The following ADAMTS4 variants were observed in gnomAD, a reference collection of about 807,000 sequenced individuals.
ADAMTS4 encodes the protein A disintegrin and metalloproteinase with thrombospondin motifs 4.
ADAMTS4 carries 38 observed loss-of-function variants against 66.7 expected under a neutral mutation model. The observed-to-expected ratio is 0.57, with a 90% confidence interval of 0.44 to 0.75. The LOEUF (loss-of-function observed/expected upper bound fraction) is 0.75. Ranked by LOEUF, ADAMTS4 falls within the 30% of genes least tolerant of loss-of-function variation. The pLI, the probability that ADAMTS4 is intolerant of heterozygous loss-of-function variation, is 0.00. For synonymous variants in ADAMTS4, 418 were observed against 461.5 expected (o/e 0.91, Z 1.21); for missense variants, 1,014 against 1,116.7 (o/e 0.91, Z 1.31).
chr1:161,192,083 C>G lies in ADAMTS4; in HGVS notation c.2069G>C (p.Gly690Ala), dbSNP rs1248691991. 6.2e-7 allele frequency: 1 copy of G among 1,613,970 alleles called. No individual in the cohort carries two copies. Among genetic ancestry groups the G allele is most frequent in the Non-Finnish European group, 8.5e-7 (1 of 1,179,982 alleles). The change falls in exon 8 of 9, where the codon GGC becomes GCC. Residue 690 changes from glycine to alanine, a missense_variant. By Grantham distance (60) the Gly-to-Ala change is moderately conservative. Coordinates refer to ENST00000367996, the MANE Select transcript of ADAMTS4 (RefSeq NM_005099.6). ...AAAGAACCTGAATTTCCTGAAGGAGCCTGACTGCTTGCTGCAACCAGAACC... is the reference window on the plus strand; with the variant it reads ...AAAGAACCTGAATTTCCTGAAGGAGGCTGACTGCTTGCTGCAACCAGAACC... ...GDGSGCSKQS[G>A]SFRKFRYGYN...
In ADAMTS4 at chr1:161,194,633, C is replaced by G. The variant is rs553680479; in HGVS notation, c.1262-412G>C. On this transcript the variant is annotated intron_variant, in intron 4 of 8. Transcript: ENST00000367996. This position sits in a 1 kb window ranked among gnomAD's most constrained non-coding sequence, Gnocchi z 4.1. ...CAAACTCCTGGTCTCAAGCAATCCT[C>G]CCACCTTAGCCTCCCAAAGCATTGG... is the stretch of plus-strand genomic sequence containing the variant. Among the ~76,000 whole-genome samples the G allele has an allele frequency of 1.6e-3, 251 of 152,272 alleles. No individual in the cohort carries two copies. Among genetic ancestry groups the G allele is most frequent in the African/African-American group, 5.8e-3 (241 of 41,550 alleles).
rs1221704492 is a variant in ADAMTS4, at chr1:161,184,562, G to A, written c.*6576C>T. On this transcript the variant is annotated 3_prime_UTR_variant, in exon 9 of 9. Coordinates refer to ENST00000367996, the MANE Select transcript of ADAMTS4 (RefSeq NM_005099.6). ...CCACATGCTGTGGAATGTTTACAAT[G>A]TTTACAACCCATTGGCTTATTTATT... is the stretch of plus-strand genomic sequence containing the variant. 1 of 152,166 alleles carries A rather than the reference G, an allele frequency of 6.6e-6. No individual in the cohort carries two copies. The highest frequency in any genetic ancestry group is 1.5e-5 in the Non-Finnish European group (1 of 68,020). 9.4% of individuals were successfully genotyped at this position (152,166 alleles called of 1,614,324 possible). A position where few individuals can be genotyped will look rare whatever the true frequency, so the allele number is the denominator to read the frequency against.
At chr1:161,197,524 TAGTTTGC>T (rs1324855918) in intron 1 of ADAMTS4, 1 of 162,038 alleles carries the variant, frequency 6.2e-6, no homozygotes, top group East Asian at 1.8e-4. Context: ...ACTCCTGCCC[TAGTTTGC>T]AGTTTGCCAC....
rs750014155 is a variant in ADAMTS4, at chr1:161,198,660, C to T, written c.-33G>A. On this transcript the variant is annotated 5_prime_UTR_variant, in exon 1 of 9. Transcript: ENST00000367996. This position sits in a 1 kb window ranked among gnomAD's most constrained non-coding sequence, Gnocchi z 4.7. ...GTACTGCAGCTGGGAGGGACTGAGG[C>T]CGTCTAGGGCACCAAGTCCTCCACA... 14 of 1,459,664 alleles carry T rather than the reference C, an allele frequency of 9.6e-6. No individual in the cohort carries two copies. The highest frequency in any genetic ancestry group is 1.3e-5 in the Non-Finnish European group (14 of 1,102,436). The allele number at this position is 1,459,664 out of a possible 1,614,324, so 90.4% of individuals were successfully genotyped here. A position where few individuals can be genotyped will look rare whatever the true frequency, so the allele number is the denominator to read the frequency against.
intron 7 of ADAMTS4, among the ~76,000 whole-genome samples, chr1:161,192,873 C>T (rs908688765): frequency 6.6e-6 from 1 of 152,126 alleles, no homozygotes; most frequent in African/African-American, 2.4e-5. Context: ...GAAACCACCA[C>T]TATAATTTGA....
At position 161,195,613 on chromosome 1, in the gene ADAMTS4, A is replaced by G; in HGVS notation, c.1113T>C (p.His371=). ...AACTGATGCATGGCTTGGAGTTGTC[A>G]TGGAGCATGTTGAAGACATGACCTG... The part of the protein sequence containing the change: ...HELGHVFNML[H]DNSKPCISLN... Residue 371 remains histidine, a synonymous_variant, in exon 4 of 9, where the codon CAT becomes CAC. Coordinates refer to ENST00000367996, the MANE Select transcript of ADAMTS4 (RefSeq NM_005099.6). 1 of 1,613,372 alleles carries G rather than the reference A, an allele frequency of 6.2e-7. No homozygotes were observed. Among genetic ancestry groups the G allele is most frequent in the South Asian group, 1.1e-5 (1 of 90,992 alleles).
In ADAMTS4 at chr1:161,196,879, C is replaced by T; in HGVS notation, c.635G>A (p.Arg212His). ...CACAAATCTACTCAGTGAAGCAAAG[C>T]GCTGTAGAGAAAAAGGGAGAGGAAG... is the stretch of plus-strand genomic sequence containing the variant. ...SPSPRPRRAK[R>H]FASLSRFVET... Residue 212 changes from arginine to histidine, a missense_variant and splice_region_variant, in exon 2 of 9, where the codon CGC (arginine) becomes CAC (histidine). By Grantham distance (29) the Arg-to-His change is conservative. Transcript: ENST00000367996. 9 of 1,586,994 alleles carry T rather than the reference C, an allele frequency of 5.7e-6. No homozygotes were observed. Among genetic ancestry groups the T allele is most frequent in the Non-Finnish European group, 7.7e-6 (9 of 1,169,990 alleles).
Position 161,198,408 on chromosome 1 carries a change from C to T in ADAMTS4, c.220G>A (p.Gly74Ser), listed in dbSNP as rs755966341. 4 of 1,606,140 alleles carry T rather than the reference C, an allele frequency of 2.5e-6. No individual in the cohort carries two copies. The African/African-American group carries it at 5.4e-5, about 22-fold the overall frequency. Reference sequence around the variant, plus strand: ...AACAGCCTGGCAGGGGCGCCCGAGCCAGGCAGGACGCTGCCGTTGAGCTTC... The same window carrying T: ...AACAGCCTGGCAGGGGCGCCCGAGCTAGGCAGGACGCTGCCGTTGAGCTTC... ...PEKLNGSVLP[G>S]SGAPARLLCR... The change falls in exon 1 of 9, where the codon GGC (glycine) becomes AGC (serine). Residue 74 changes from glycine (G) to serine (S), a missense_variant. By Grantham distance (56) the Gly-to-Ser change is moderately conservative. Transcript: ENST00000367996. This position sits in a 1 kb window ranked among gnomAD's most constrained non-coding sequence, Gnocchi z 4.7.
Position 161,187,587 on chromosome 1 carries a change from A to G in ADAMTS4, c.*3551T>C, listed in dbSNP as rs915804572. ...GGTGCTGTATAAGGCACTGCCTGGTACAGAACTTGATTAGCAAAGCCCAGA... is the reference window on the plus strand; with the variant it reads ...GGTGCTGTATAAGGCACTGCCTGGTGCAGAACTTGATTAGCAAAGCCCAGA... On this transcript the variant is annotated 3_prime_UTR_variant, in exon 9 of 9. Coordinates refer to ENST00000367996, the MANE Select transcript of ADAMTS4 (RefSeq NM_005099.6). 6.6e-6 allele frequency: 1 copy of G among 152,278 alleles called. No homozygotes were observed. The highest frequency in any genetic ancestry group is 1.5e-5 in the Non-Finnish European group (1 of 68,118). The allele number at this position is 152,278 out of a possible 1,614,324, so 9.4% of individuals were successfully genotyped here.
Position 161,185,837 on chromosome 1 carries a change from A to G in ADAMTS4, c.*5301T>C, listed in dbSNP as rs1389299542. On this transcript the variant is annotated 3_prime_UTR_variant, in exon 9 of 9. Coordinates refer to ENST00000367996, the MANE Select transcript of ADAMTS4 (RefSeq NM_005099.6). ...TCCATTACAAAAATAGTGGCTGGAC[A>G]AATGTCCAGATTTCCTCTGTTTGAA... The G allele has an allele frequency of 6.6e-6, 1 of 152,212 alleles. No individual in the cohort carries two copies. The highest frequency in any genetic ancestry group is 1.9e-4 in the East Asian group (1 of 5,204). 9.4% of individuals were successfully genotyped at this position (152,212 alleles called of 1,614,324 possible). A position where few individuals can be genotyped will look rare whatever the true frequency, so the allele number is the denominator to read the frequency against.
In ADAMTS4 at chr1:161,188,636, A is replaced by G. The variant is rs1467573560; in HGVS notation, c.*2502T>C. 6.6e-6 allele frequency: 1 copy of G among 151,628 alleles called. No homozygotes were observed. Among genetic ancestry groups the G allele is most frequent in the African/African-American group, 2.4e-5 (1 of 41,250 alleles). 9.4% of individuals were successfully genotyped at this position (151,628 alleles called of 1,614,324 possible). A position where few individuals can be genotyped will look rare whatever the true frequency, so the allele number is the denominator to read the frequency against. On this transcript the variant is annotated 3_prime_UTR_variant, in exon 9 of 9. Coordinates refer to ENST00000367996, the MANE Select transcript of ADAMTS4 (RefSeq NM_005099.6). ...ATCAGGTATTCTGCCATTTTGAGGC[A>G]CCTGGCTCCCTTACCTCAGATCCTT...
chr1:161,198,577 C>A lies in ADAMTS4; in HGVS notation c.51G>T (p.Leu17=). Residue 17 remains leucine, a synonymous_variant, in exon 1 of 9, where the codon CTG becomes CTT. Coordinates refer to ENST00000367996, the MANE Select transcript of ADAMTS4 (RefSeq NM_005099.6). This position sits in a 1 kb window ranked among gnomAD's most constrained non-coding sequence, Gnocchi z 4.7. ...GCAGGAGGCAGGGTTGGGCTCCCCA[C>A]AGCCAGCGCCCTGCCAAGCCCCTCC... ...HPGRGLAGRW[L]WGAQPCLLLP... is the part of the protein sequence containing the mutation. 1 of 1,548,230 alleles carries A rather than the reference C, an allele frequency of 6.5e-7. No homozygotes were observed. Among genetic ancestry groups the A allele is most frequent in the Non-Finnish European group, 8.7e-7 (1 of 1,146,320 alleles).
At chr1:161,196,411 G>A in intron 2 of ADAMTS4, 108 bp from the exon 3 acceptor site, 1 of 1,517,322 alleles carries the variant, frequency 6.6e-7, no homozygotes, top group Admixed American at 2.0e-5. Context: ...AGCACTGTCA[G>A]GGCCTAGGTA....
intron 1 of ADAMTS4, 94 bp from the exon 2 acceptor site, chr1:161,196,974 T>A: frequency 2.5e-6 from 3 of 1,178,000 alleles, no homozygotes; most frequent in Non-Finnish European, 3.6e-6. Context: ...GGTCTGGAAC[T>A]CAGCATAGTC....
chr1:161,195,647 A>G lies in ADAMTS4; in HGVS notation c.1091-12T>C. On this transcript the variant is annotated splice_polypyrimidine_tract_variant and intron_variant, in intron 3 of 8. Transcript: ENST00000367996. ...GTTGAAGACATGACCTGTGGGAGCA[A>G]AGGCCCTGATAGGATCTGAGGGTCC... The G allele has an allele frequency of 6.2e-7, 1 of 1,606,630 alleles. No homozygotes were observed. Among genetic ancestry groups the G allele is most frequent in the African/African-American group, 1.3e-5 (1 of 74,794 alleles).
Position 161,193,766 on chromosome 1 carries a change from C to T in ADAMTS4, c.1609G>A (p.Gly537Arg). The T allele has an allele frequency of 6.2e-7, 1 of 1,614,038 alleles. No homozygotes were observed. Among genetic ancestry groups the T allele is most frequent in the African/African-American group, 1.3e-5 (1 of 75,066 alleles). Residue 537 changes from glycine (G) to arginine (R), a missense_variant, in exon 6 of 9, where the codon GGG becomes AGG. Transcript: ENST00000367996. The surrounding 1 kb of genome is among the most constrained non-coding windows in gnomAD (Gnocchi z 4.4). Reference sequence around the variant, plus strand: ...CGGGAGGAGAACTGGACACCACCCCCACAGGTCCGAGAGCAGTCACCCCAT... The same window carrying T: ...CGGGAGGAGAACTGGACACCACCCCTACAGGTCCGAGAGCAGTCACCCCAT... ...GPWGDCSRTC[G>R]GGVQFSSRDC...
chr1:161,197,149 C>T, intron 1 of ADAMTS4: 2 of 421,150 alleles, frequency 4.7e-6, no homozygotes, highest in Non-Finnish European at 8.6e-6. Flanking sequence ...GCTGCGGGAG[C>T]CCCAGAGGTG....
At position 161,194,218 on chromosome 1, in the gene ADAMTS4, TG is replaced by T; in HGVS notation, c.1264del (p.His422ThrfsTer4). ...ITDFLDNGYG[H>X]CLLDKPEAPL... ...AGCCTCTGGTTTGTCTAAGAGACAG[TG>T]CCCTGGGAAGGGGGTTGGGGCACAA... On this transcript the variant is annotated frameshift_variant and splice_region_variant, in exon 5 of 9. Transcript: ENST00000367996. LOFTEE classifies it high-confidence loss of function. The surrounding 1 kb of genome is among the most constrained non-coding windows in gnomAD (Gnocchi z 4.1). 6.2e-7 allele frequency: 1 copy of T among 1,611,416 alleles called. No individual in the cohort carries two copies. The highest frequency in any genetic ancestry group is 1.1e-5 in the South Asian group (1 of 90,996).
At position 161,198,388 on chromosome 1, in the gene ADAMTS4, C is replaced by A. The variant is rs767195003; in HGVS notation, c.240G>T (p.Arg80Ser). ...SVLPGSGAPARLLCRLQAFGE... is the reference protein window; with the variant it reads ...SVLPGSGAPASLLCRLQAFGE... Reference sequence around the variant, plus strand: ...CAAAGGCCTGCAAGCGGCACAACAGCCTGGCAGGGGCGCCCGAGCCAGGCA... The same window carrying A: ...CAAAGGCCTGCAAGCGGCACAACAGACTGGCAGGGGCGCCCGAGCCAGGCA... Residue 80 changes from arginine (R) to serine (S), a missense_variant, in exon 1 of 9, where the codon AGG becomes AGT. Arg to Ser is a moderately radical substitution (Grantham distance 110). Coordinates refer to ENST00000367996, the MANE Select transcript of ADAMTS4 (RefSeq NM_005099.6). This position sits in a 1 kb window ranked among gnomAD's most constrained non-coding sequence, Gnocchi z 4.7. The A allele has an allele frequency of 2.5e-6, 4 of 1,611,550 alleles. No homozygotes were observed. In the African/African-American group the frequency reaches 5.3e-5, roughly 22 times the overall value.
Sources: gnomAD v4.1 joint callset for allele counts (sites outside exome capture counted in the v4.1 genomes callset) on GRCh38, gnomAD v4.1.1 for gene constraint, Gnocchi (gnomAD v3.1) non-coding constraint, MANE v1.5 for transcripts, NCBI Gene and HGNC (gene_info 2026-07-23, HGNC 2026-07-21) for gene names.